The following C7 variants were observed in gnomAD, a reference collection of about 807,000 sequenced individuals.
The protein encoded by C7 is complement C7, also known as complement component C7.
In C7, 83 loss-of-function variants were observed where a neutral mutation model predicts 104.8. The ratio of observed to expected loss-of-function variants is 0.79; its 90% CI spans 0.66 to 0.95. C7 has a LOEUF of 0.95. Among genes scored for constraint, C7 ranks in the 40% least tolerant of loss-of-function variants. The pLI, the probability that C7 is intolerant of heterozygous loss-of-function variation, is 0.00. For missense variants in C7, 1,070 were observed against 1,011.2 expected, an observed-to-expected ratio of 1.06 and a Z score of -0.79; for synonymous variants, 415 against 360.6, an observed-to-expected ratio of 1.15 and a Z score of -1.71.
rs781636206 is a variant in C7 at position 40,947,624 on chromosome 5, A to C, written c.761A>C (p.Glu254Ala). 1.6e-5 allele frequency: 26 copies of C among 1,613,204 alleles called. No homozygotes were observed. The highest frequency in any genetic ancestry group is 2.2e-5 in the Non-Finnish European group (26 of 1,179,624). ...KGKSYQLLVV[E>A]NTVEVAQFIN... is the part of the protein sequence containing the mutation. The stretch of plus-strand genomic sequence containing the variant: ...CAGAGTTACCAACTGCTGGTTGTTG[A>C]GAACACTGTTGAAGTGGCTCAGTTC... The change falls in exon 8 of 18, where the codon GAG becomes GCG. Residue 254 changes from glutamate (E) to alanine (A), a missense_variant. Coordinates refer to ENST00000313164, the MANE Select transcript of C7 (RefSeq NM_000587.4).
At chr5:40,948,448 T>C (rs1740096731) in intron 8 of C7, among the ~76,000 whole-genome samples, 1 of 152,124 alleles carries the variant, frequency 6.6e-6, no homozygotes, top group South Asian at 2.1e-4. Context: ...TTATGAGACT[T>C]ATCCAAGGTC....
chr5:40,912,633 A>T (rs1739232373), intron 1 of C7, among the ~76,000 whole-genome samples: 1 of 152,224 alleles, frequency 6.6e-6, no homozygotes, highest in Non-Finnish European at 1.5e-5. Flanking sequence ...TGCCAGGATT[A>T]CAGGCATGAG....
intron 7 of C7, among the ~76,000 whole-genome samples, chr5:40,946,012 T>A: frequency 6.6e-6 from 1 of 151,230 alleles, no homozygotes; most frequent in East Asian, 1.9e-4. Context: ...TTTTAAACGA[T>A]CTTAAATTTC....
At chr5:40,937,782 T>A in intron 6 of C7, 92 bp downstream of exon 6, 1 of 1,048,544 alleles carries the variant, frequency 9.5e-7, no homozygotes, top group Non-Finnish European at 1.3e-6. Flanking sequence ...AGAATTTACT[T>A]ATGGCCTAAT....
rs1263029622 is a variant in C7, at chr5:40,909,558, C to T, written c.-53C>T. 10 of 1,501,058 alleles carry T rather than the reference C, an allele frequency of 6.7e-6. No homozygotes were observed. Among genetic ancestry groups the T allele is most frequent in the South Asian group, 2.6e-5 (2 of 76,718 alleles). The allele number at this position is 1,501,058 out of a possible 1,614,324, so 93.0% of individuals were successfully genotyped here. A position where few individuals can be genotyped will look rare whatever the true frequency, so the allele number is the denominator to read the frequency against. ...TTCCTGCTGTTGAAAACTTACCCGG[C>T]CCTTACAGAGGAAATCTTCCTCCTC... is the stretch of plus-strand genomic sequence containing the variant. On this transcript the variant is annotated 5_prime_UTR_variant, in exon 1 of 18. Coordinates refer to ENST00000313164, the MANE Select transcript of C7 (RefSeq NM_000587.4).
chr5:40,945,983 A>G (rs1740039998), intron 7 of C7, among the ~76,000 whole-genome samples: 1 of 149,778 alleles, frequency 6.7e-6, no homozygotes, highest in African/African-American at 2.4e-5. Flanking sequence ...CAAAGCCCTT[A>G]TTACCTTGAA....
At chr5:40,914,984 T>C (rs1366941074) in intron 1 of C7, among the ~76,000 whole-genome samples, 2 of 152,064 alleles carry the variant, frequency 1.3e-5, no homozygotes, top group Admixed American at 6.6e-5. Flanking sequence ...AGACACTGCC[T>C]GAGAGAGTGC....
chr5:40,918,058 T>G (rs1272040695), intron 1 of C7, among the ~76,000 whole-genome samples: 1 of 152,126 alleles, frequency 6.6e-6, no homozygotes, highest in Non-Finnish European at 1.5e-5. Context: ...CAAAAATCTT[T>G]AGTAGAAGCA....
intron 3 of C7, 50 bp downstream of exon 3, chr5:40,931,189 T>C: frequency 7.4e-7 from 1 of 1,354,182 alleles, no homozygotes. Flanking sequence ...AGAAATACTT[T>C]GGCATGGCCA....
rs767239431 is a variant in C7 at position 40,931,151 on chromosome 5, C to T, written c.138+12C>T. On this transcript the variant is annotated intron_variant, in intron 3 of 17. Coordinates refer to ENST00000313164, the MANE Select transcript of C7 (RefSeq NM_000587.4). ...GTACCAAGACTCAGGTAGGACCATG[C>T]AAAACTTTGTATTTGATTATTTATT... The T allele has an allele frequency of 6.2e-7, 1 of 1,602,448 alleles. No individual in the cohort carries two copies. Among genetic ancestry groups the T allele is most frequent in the East Asian group, 2.2e-5 (1 of 44,776 alleles).
chr5:40,913,410 A>G (rs890678137), intron 1 of C7, among the ~76,000 whole-genome samples: 4 of 152,132 alleles, frequency 2.6e-5, no homozygotes, highest in Admixed American at 6.5e-5. Context: ...ACTAATTTAC[A>G]TTCCCACCAA....
intron 8 of C7, among the ~76,000 whole-genome samples, chr5:40,949,144 T>C (rs971287911): frequency 2.6e-5 from 4 of 152,064 alleles, no homozygotes; most frequent in Non-Finnish European, 4.4e-5. Context: ...TCCAAGCTGG[T>C]AAAATTAAAT....
At chr5:40,955,259 T>C (rs1357490656) in intron 9 of C7, 128 bp from the exon 10 acceptor site, 5 of 828,698 alleles carry the variant, frequency 6.0e-6, no homozygotes, top group Non-Finnish European at 7.6e-6. Flanking sequence ...ATCCCTCCCT[T>C]CTTTCTGACC....
intron 4 of C7, 35 bp from the exon 5 acceptor site, chr5:40,936,302 CT>C: frequency 1.9e-6 from 3 of 1,611,178 alleles, no homozygotes; most frequent in Non-Finnish European, 2.5e-6. Context: ...CCTCTTCCCT[CT>C]TTTACATTTG....
In C7 at chr5:40,934,432, G is replaced by T; in HGVS notation, c.246G>T (p.Glu82Asp). ...AACCTACAAGAGGATGTCCAACAGA[G>T]GAGGGATGTGGAGAGCGTTTCAGGT... ...SCEPTRGCPT[E>D]EGCGERFRCF... Residue 82 changes from glutamate (E) to aspartate (D), a missense_variant, in exon 4 of 18, where the codon GAG becomes GAT. By Grantham distance (45) the Glu-to-Asp change is conservative. Transcript: ENST00000313164. 6.2e-7 allele frequency: 1 copy of T among 1,613,804 alleles called. No individual in the cohort carries two copies. The highest frequency in any genetic ancestry group is 8.5e-7 in the Non-Finnish European group (1 of 1,179,736).
intron 6 of C7, among the ~76,000 whole-genome samples, chr5:40,939,450 A>G (rs1579850965): frequency 6.6e-6 from 1 of 152,212 alleles, no homozygotes; most frequent in East Asian, 1.9e-4. Flanking sequence ...AAGTCACCAA[A>G]TTAAAAAGTA....
intron 8 of C7, 71 bp downstream of exon 8, chr5:40,947,916 T>C: frequency 7.0e-7 from 1 of 1,434,498 alleles, no homozygotes; most frequent in Admixed American, 2.1e-5. Flanking sequence ...ATGTAGTTAA[T>C]GTAAGCTTTT....
intron 15 of C7, among the ~76,000 whole-genome samples, chr5:40,973,368 A>T (rs933265665): frequency 3.9e-5 from 6 of 152,212 alleles, no homozygotes; most frequent in Non-Finnish European, 8.8e-5. Flanking sequence ...ATTTTATGTG[A>T]TATTATCTCT....
intron 9 of C7, among the ~76,000 whole-genome samples, chr5:40,953,729 A>G (rs911675309): frequency 1.3e-5 from 2 of 151,996 alleles, no homozygotes; most frequent in Non-Finnish European, 2.9e-5. Context: ...ATATTTTAAA[A>G]TAGCTAGAAG....
Sources: gnomAD v4.1 joint callset for allele counts (sites outside exome capture counted in the v4.1 genomes callset) on GRCh38, gnomAD v4.1.1 for gene constraint, MANE v1.5 for transcripts, NCBI Gene and HGNC (gene_info 2026-07-23, HGNC 2026-07-21) for gene names.